RBMS3: variants seen among roughly 807,000 people sequenced by gnomAD.
RBMS3 encodes the protein RNA binding motif single stranded interacting protein 3.
Under a neutral mutation model 66.8 loss-of-function variants are expected in RBMS3, and 27 were observed. That is an observed-to-expected ratio of 0.40 (90% CI 0.30 to 0.56). RBMS3 has a LOEUF of 0.56. Ranked by LOEUF, RBMS3 falls within the 20% of genes least tolerant of loss-of-function variation. RBMS3 has a pLI of 0.40. For missense variants in RBMS3, 513 were observed against 549.5 expected (o/e 0.93, Z 0.66); for synonymous variants, 188 against 183.0 (o/e 1.03, Z -0.22).
At position 29,845,584 on chromosome 3, in the gene RBMS3, C is replaced by G. The variant is rs138037952; in HGVS notation, c.638-23274C>G. 2.2e-4 allele frequency among the ~76,000 whole-genome samples: 33 copies of G among 152,154 alleles called. No homozygotes were observed. The East Asian group carries it at 6.4e-3, about 29-fold the overall frequency. On this transcript the variant is annotated intron_variant, in intron 6 of 14. Transcript: ENST00000383767. ...TTTCCTATTTGTGACAAATATATTA[C>G]AATTATTAATCATTCATTTGATAGG...
At chr3:29,628,730 ATAACT>A (rs2049162968) in intron 4 of RBMS3, among the ~76,000 whole-genome samples, 1 of 152,084 alleles carries the variant, frequency 6.6e-6, no homozygotes, top group Non-Finnish European at 1.5e-5. Context: ...ACACTGTTTC[ATAACT>A]TAAGATATTT....
At chr3:29,306,358 G>C (rs1363075984) in intron 1 of RBMS3, among the ~76,000 whole-genome samples, 1 of 151,900 alleles carries the variant, frequency 6.6e-6, no homozygotes, top group African/African-American at 2.4e-5. Context: ...GAGACTATTG[G>C]CTTCTTCAGC....
intron 2 of RBMS3, among the ~76,000 whole-genome samples, chr3:29,445,033 G>C (rs1235422701): frequency 6.6e-6 from 1 of 151,244 alleles, no homozygotes; most frequent in African/African-American, 2.4e-5. Context: ...GAGGACAATA[G>C]ATTTATTCAA....
At chr3:29,525,045 C>T (rs368751033) in intron 3 of RBMS3, among the ~76,000 whole-genome samples, 1 of 151,980 alleles carries the variant, frequency 6.6e-6, no homozygotes, top group Non-Finnish European at 1.5e-5. Context: ...CGGAGTAAGA[C>T]GTTGTCTCTA....
chr3:29,889,952 A>T (rs898690248), intron 8 of RBMS3, among the ~76,000 whole-genome samples: 1 of 151,630 alleles, frequency 6.6e-6, no homozygotes, highest in African/African-American at 2.4e-5. Flanking sequence ...TTTCACCCAA[A>T]GCAGCCAAAC....
At chr3:29,580,892 AT>A (rs1559485297) in intron 3 of RBMS3, among the ~76,000 whole-genome samples, 1 of 152,116 alleles carries the variant, frequency 6.6e-6, no homozygotes, top group Non-Finnish European at 1.5e-5. Flanking sequence ...ATTGTTACCC[AT>A]GTTATTTTAC....
At position 29,485,285 on chromosome 3, in the gene RBMS3, G is replaced by C. The variant is rs572739857; in HGVS notation, c.249-3156G>C. Among the ~76,000 whole-genome samples, 4 of 152,166 alleles carry C rather than the reference G, an allele frequency of 2.6e-5. No individual in the cohort carries two copies. The South Asian group carries it at 8.3e-4, about 32-fold the overall frequency. ...AGCTAGGGTGAAAGTGTTTTAAAAA[G>C]TTGATAGACAATATATACATTTATA... On this transcript the variant is annotated intron_variant, in intron 2 of 14. Transcript: ENST00000383767.
intron 1 of RBMS3, among the ~76,000 whole-genome samples, chr3:29,425,201 ACCCCC>A (rs775593798): frequency 2.0e-5 from 2 of 102,510 alleles, no homozygotes; most frequent in African/African-American, 7.4e-5. Context: ...AAAAAAAAAA[ACCCCC>A]CAAAAAAAAC....
chr3:29,944,957 G>T (rs1344322612), intron 12 of RBMS3, among the ~76,000 whole-genome samples: 1 of 151,772 alleles, frequency 6.6e-6, no homozygotes, highest in Non-Finnish European at 1.5e-5. Flanking sequence ...TCTATGTAAA[G>T]AGGTGGATTT....
intron 4 of RBMS3, among the ~76,000 whole-genome samples, chr3:29,626,956 G>C (rs1355062904): frequency 1.3e-5 from 2 of 152,086 alleles, no homozygotes; most frequent in Non-Finnish European, 2.9e-5. Context: ...GCAAGAAAAA[G>C]GTGGCTATCA....
intron 7 of RBMS3, among the ~76,000 whole-genome samples, chr3:29,881,215 C>T (rs1441528265): frequency 2.0e-5 from 3 of 152,092 alleles, no homozygotes; most frequent in Non-Finnish European, 4.4e-5. Context: ...AAATTCTCCT[C>T]ATCTTTCAGG....
At chr3:29,432,606 C>T (rs533424306) in intron 1 of RBMS3, among the ~76,000 whole-genome samples, 1 of 152,222 alleles carries the variant, frequency 6.6e-6, no homozygotes, top group East Asian at 1.9e-4. Flanking sequence ...AGGCACTAGG[C>T]TACATACATG....
chr3:29,650,372 C>G (rs978371432), intron 4 of RBMS3, among the ~76,000 whole-genome samples: 4 of 150,824 alleles, frequency 2.7e-5, no homozygotes, highest in African/African-American at 9.8e-5. Context: ...CTCAATACAG[C>G]CTCAACCTCT....
chr3:29,298,852 A>G (rs748235372), intron 1 of RBMS3, among the ~76,000 whole-genome samples: 28 of 152,084 alleles, frequency 1.8e-4, no homozygotes, highest in South Asian at 6.2e-4. Flanking sequence ...TACTTGGAAT[A>G]TTAGAATGTG....
chr3:29,388,588 T>C (rs1225572815), intron 1 of RBMS3, among the ~76,000 whole-genome samples: 3 of 152,198 alleles, frequency 2.0e-5, no homozygotes, highest in African/African-American at 7.2e-5. Context: ...TTTTTTTTCT[T>C]TTTTGAGGCA....
chr3:29,320,831 G>T (rs1284734726), intron 1 of RBMS3, among the ~76,000 whole-genome samples: 1 of 151,810 alleles, frequency 6.6e-6, no homozygotes, highest in Non-Finnish European at 1.5e-5. Context: ...TAATAGAAAG[G>T]TCAGTTAAAT....
In RBMS3 at chr3:29,860,018, G is replaced by T. The variant is rs1288379386; in HGVS notation, c.638-8840G>T. Among the ~76,000 whole-genome samples, 4 of 152,294 alleles carry T rather than the reference G, an allele frequency of 2.6e-5. No homozygotes were observed. In the South Asian group the frequency reaches 8.3e-4, roughly 32 times the overall value. On this transcript the variant is annotated intron_variant, in intron 6 of 14. Transcript: ENST00000383767. ...GCAAACATTTCAGAGGACTTATTCT[G>T]CAAGACCTTCCTGGATATGACAAAC...
chr3:29,994,798 G>C (rs1699109688), intron 14 of RBMS3, among the ~76,000 whole-genome samples: 1 of 152,166 alleles, frequency 6.6e-6, no homozygotes, highest in African/African-American at 2.4e-5. Flanking sequence ...AAGACCAAAA[G>C]TAGATAAAAC....
intron 1 of RBMS3, among the ~76,000 whole-genome samples, chr3:29,364,913 T>C (rs1401335684): frequency 6.6e-6 from 1 of 152,180 alleles, no homozygotes; most frequent in African/African-American, 2.4e-5. Context: ...GAGTCACTGA[T>C]GCCTAAAATA....
Sources: allele counts gnomAD v4.1 joint callset (sites outside exome capture counted in the v4.1 genomes callset), GRCh38; gene constraint gnomAD v4.1.1; transcripts MANE v1.5; gene names NCBI Gene and HGNC (gene_info 2026-07-23, HGNC 2026-07-21).